Variants in EYS observed in about 807,000 individuals in gnomAD.
The protein encoded by EYS is protein eyes shut homolog.
EYS carries 250 observed loss-of-function variants against 282.1 expected under a neutral mutation model. That is an observed-to-expected ratio of 0.89 (90% CI 0.80 to 0.98). The LOEUF (loss-of-function observed/expected upper bound fraction) is 0.98, where lower values mean the gene tolerates loss of function less well. Among genes scored for constraint, EYS ranks in the 50% least tolerant of loss-of-function variants. The pLI, the probability that EYS is intolerant of heterozygous loss-of-function variation, is 0.00. For synonymous variants in EYS, 1,355 were observed against 1,282.9 expected, an observed-to-expected ratio of 1.06 and a Z score of -1.20; for missense variants, 4,016 against 3,709.0, an observed-to-expected ratio of 1.08 and a Z score of -2.15.
chr6:65,293,446 G>A (rs1768581356), intron 12 of EYS, among the ~76,000 whole-genome samples: 1 of 151,726 alleles, frequency 6.6e-6, no homozygotes, highest in African/African-American at 2.4e-5. Context: ...ATTCACTCAA[G>A]CATATGGCCT....
chr6:65,061,984 T>C (rs1773588198), intron 12 of EYS, among the ~76,000 whole-genome samples: 1 of 151,976 alleles, frequency 6.6e-6, no homozygotes. Context: ...TTTTCTCCTG[T>C]CCATTGGATG....
intron 39 of EYS, among the ~76,000 whole-genome samples, chr6:63,782,655 G>C (rs147642666): frequency 0.018 from 2,680 of 151,880 alleles, 38 homozygotes; most frequent in Non-Finnish European, 0.026. Flanking sequence ...TTCTTTATTA[G>C]TCTTGCTAGC....
At chr6:65,110,211 G>C (rs6906629) in intron 12 of EYS, among the ~76,000 whole-genome samples, 2 of 151,792 alleles carry the variant, frequency 1.3e-5, no homozygotes, top group African/African-American at 4.8e-5. Flanking sequence ...GCAAAATTCT[G>C]TTCTCTTTTC....
intron 12 of EYS, among the ~76,000 whole-genome samples, chr6:65,256,274 CTTTTT>C (rs899224134): frequency 5.6e-5 from 7 of 125,634 alleles, no homozygotes; most frequent in Non-Finnish European, 9.8e-5. Flanking sequence ...TTTTTTTTTT[CTTTTT>C]TTTTTTTAAT....
At chr6:65,128,515 C>T (rs1404998125) in intron 12 of EYS, among the ~76,000 whole-genome samples, 2 of 151,982 alleles carry the variant, frequency 1.3e-5, no homozygotes, top group Non-Finnish European at 2.9e-5. Flanking sequence ...AAATCAGTAG[C>T]ATTTCCATAC....
In EYS at chr6:65,002,738, C is replaced by T. The variant is rs1054106409; in HGVS notation, c.2138-5035G>A. Among the ~76,000 whole-genome samples the T allele has an allele frequency of 6.8e-5, 10 of 147,550 alleles. 1 individual carries two copies. The highest frequency in any genetic ancestry group is 4.2e-4 in the East Asian group (2 of 4,756). On this transcript the variant is annotated intron_variant, in intron 13 of 42. Coordinates refer to ENST00000503581, the MANE Select transcript of EYS (RefSeq NM_001142800.2). ...AGTCAGGGACCCCAAACAGAGGGAC[C>T]GGCTGAAGCCATGGCAGAAGAACGT...
intron 18 of EYS, among the ~76,000 whole-genome samples, chr6:64,894,596 C>A (rs1015637034): frequency 6.6e-6 from 1 of 152,116 alleles, no homozygotes; most frequent in African/African-American, 2.4e-5. Context: ...GTCACAGACT[C>A]AGTCACTCGA....
At chr6:64,752,012 T>C (rs1438579646) in intron 22 of EYS, among the ~76,000 whole-genome samples, 1 of 151,938 alleles carries the variant, frequency 6.6e-6, no homozygotes, top group Non-Finnish European at 1.5e-5. Flanking sequence ...AAAATAAGAA[T>C]AGACAGTTTC....
chr6:64,296,578 ATATATACATATATATATATATTTTTT>A (rs1769016940), intron 30 of EYS, among the ~76,000 whole-genome samples: 2 of 5,930 alleles, frequency 3.4e-4, no homozygotes, highest in East Asian at 2.7e-3. Flanking sequence ...ATATATATAT[ATATATACATATATATATATATTTTTT>A]TTTTTTTTTT....
intron 35 of EYS, among the ~76,000 whole-genome samples, chr6:63,922,800 A>G (rs1764609611): frequency 6.6e-6 from 1 of 152,214 alleles, no homozygotes; most frequent in Admixed American, 6.5e-5. Flanking sequence ...ATTTTCTATT[A>G]ATCTAACATG....
At chr6:64,014,121 T>C (rs1768773520) in intron 33 of EYS, among the ~76,000 whole-genome samples, 2 of 152,106 alleles carry the variant, frequency 1.3e-5, no homozygotes, top group Non-Finnish European at 2.9e-5. Flanking sequence ...CACACACACA[T>C]ATTTTGAAAG....
In EYS at chr6:64,625,770, C is replaced by T. The variant is rs183926253; in HGVS notation, c.3568+351G>A. Among the ~76,000 whole-genome samples the T allele has an allele frequency of 4.4e-3, 663 of 152,234 alleles. 3 individuals are homozygous for T. The highest frequency in any genetic ancestry group is 0.015 in the African/African-American group (627 of 41,544). On this transcript the variant is annotated intron_variant, in intron 23 of 42. Transcript: ENST00000503581. ...CAATTGTGGGAAGAAATAATAATGT[C>T]AATACTAATAAGAGCTAACATTGAT...
At chr6:65,327,944 CTT>C (rs559429588) in intron 11 of EYS, among the ~76,000 whole-genome samples, 7 of 151,142 alleles carry the variant, frequency 4.6e-5, no homozygotes, top group African/African-American at 1.2e-4. Context: ...TATTTATTGA[CTT>C]AACATAAAAA....
At chr6:63,949,596 T>C (rs778572250) in intron 35 of EYS, among the ~76,000 whole-genome samples, 1 of 152,192 alleles carries the variant, frequency 6.6e-6, no homozygotes, top group Non-Finnish European at 1.5e-5. Flanking sequence ...GTGTGCATAA[T>C]AGATGCCATT....
intron 18 of EYS, among the ~76,000 whole-genome samples, chr6:64,889,782 A>T (rs1767220839): frequency 6.6e-6 from 1 of 152,004 alleles, no homozygotes; most frequent in Admixed American, 6.6e-5. Flanking sequence ...CCTTGTGATA[A>T]TTGCATTAAC....
chr6:64,316,018 C>T (rs1186057669), intron 29 of EYS, among the ~76,000 whole-genome samples: 2 of 152,272 alleles, frequency 1.3e-5, no homozygotes, highest in African/African-American at 2.4e-5. Flanking sequence ...TATTCAACAA[C>T]CCTTCATGCT....
In EYS at chr6:64,194,625, T is replaced by C. The variant is rs144059330; in HGVS notation, c.6424+35967A>G. On this transcript the variant is annotated intron_variant, in intron 31 of 42. Transcript: ENST00000503581. ...TGCATTTTAGTCAGAAAACATGATC[T>C]GTATGATATTAGGTTTGCTTTTTAG... Among the ~76,000 whole-genome samples the C allele has an allele frequency of 4.1e-3, 626 of 152,330 alleles. 5 individuals are homozygous for C. The highest frequency in any genetic ancestry group is 0.014 in the African/African-American group (601 of 41,588).
At chr6:65,141,423 C>T (rs1299910756) in intron 12 of EYS, among the ~76,000 whole-genome samples, 1 of 151,608 alleles carries the variant, frequency 6.6e-6, no homozygotes, top group Non-Finnish European at 1.5e-5. Context: ...AGCACACCAG[C>T]GTGGCACATG....
chr6:64,529,884 A>T (rs945950674), intron 26 of EYS, among the ~76,000 whole-genome samples: 9 of 152,102 alleles, frequency 5.9e-5, no homozygotes, highest in South Asian at 2.1e-4. Context: ...TTCCAGCAGA[A>T]AGAATTGAGA....
Sources: gnomAD v4.1 joint callset for allele counts (sites outside exome capture counted in the v4.1 genomes callset) on GRCh38, gnomAD v4.1.1 for gene constraint, MANE v1.5 for transcripts, NCBI Gene and HGNC (gene_info 2026-07-23, HGNC 2026-07-21) for gene names.